Variants in ANKS1B observed in about 807,000 individuals in gnomAD.
ANKS1B encodes the protein ankyrin repeat and sterile alpha motif domain containing 1B.
In ANKS1B, 36 loss-of-function variants were observed where a neutral mutation model predicts 148.3. The observed-to-expected ratio is 0.24, with a 90% CI of 0.19 to 0.32. The LOEUF is 0.32. Among genes scored for constraint, ANKS1B ranks in the 10% least tolerant of loss-of-function variants. ANKS1B has a pLI of 1.00. For synonymous variants in ANKS1B, 542 were observed against 560.8 expected (o/e 0.97, Z 0.47); for missense variants, 1,157 against 1,542.6 (o/e 0.75, Z 4.19).
At position 98,785,205 on chromosome 12, in the gene ANKS1B, C is replaced by G. The variant is rs762003917; in HGVS notation, c.3343-3068G>C. On this transcript the variant is annotated intron_variant, in intron 22 of 26. Coordinates refer to ENST00000683438, the MANE Select transcript of ANKS1B (RefSeq NM_001352186.2). ...GGCAAAGAGGCTAGGCATGGTGGCTCATGCCTGTATTCCCAGCACTTTGGG... is the reference window on the plus strand; with the variant it reads ...GGCAAAGAGGCTAGGCATGGTGGCTGATGCCTGTATTCCCAGCACTTTGGG... 3.2e-4 allele frequency among the ~76,000 whole-genome samples: 49 copies of G among 152,312 alleles called. 1 individual carries two copies. The Middle Eastern group carries it at 0.02, about 63-fold the overall frequency.
At chr12:99,209,714 T>C (rs139335040) in intron 14 of ANKS1B, among the ~76,000 whole-genome samples, 90 of 152,318 alleles carry the variant, frequency 5.9e-4, no homozygotes, top group Middle Eastern at 3.4e-3. Flanking sequence ...CCATCTTGGA[T>C]AAGCACTGTC....
intron 1 of ANKS1B, among the ~76,000 whole-genome samples, chr12:99,951,032 A>C (rs557850586): frequency 6.6e-6 from 1 of 152,330 alleles, no homozygotes; most frequent in Admixed American, 6.5e-5. Context: ...TAAACTGAAA[A>C]GGATTTCCCC....
chr12:99,775,474 A>C (rs376392436), intron 7 of ANKS1B, 74 bp downstream of exon 7: 2 of 975,006 alleles, frequency 2.1e-6, no homozygotes. Context: ...GATATAACCT[A>C]TTAGACTTGA....
Position 99,409,162 on chromosome 12 carries a change from C to T in ANKS1B, c.1576-9351G>A, listed in dbSNP as rs189741613. Among the ~76,000 whole-genome samples the T allele has an allele frequency of 3.2e-3, 483 of 152,198 alleles. 5 individuals carry two copies. The highest frequency in any genetic ancestry group is 0.01 in the African/African-American group (432 of 41,534). Reference sequence around the variant, plus strand: ...TACATAAACACAATGGCATACTATTCGGCTATAAAAAAGAATGAGATCCTG... The same window carrying T: ...TACATAAACACAATGGCATACTATTTGGCTATAAAAAAGAATGAGATCCTG... On this transcript the variant is annotated intron_variant, in intron 11 of 26. Coordinates refer to ENST00000683438, the MANE Select transcript of ANKS1B (RefSeq NM_001352186.2).
At chr12:99,139,875 C>T (rs148435695) in intron 15 of ANKS1B, among the ~76,000 whole-genome samples, 1 of 152,182 alleles carries the variant, frequency 6.6e-6, no homozygotes, top group Non-Finnish European at 1.5e-5. Context: ...CTGAGAACTC[C>T]TTAACAAAGG....
chr12:99,727,136 C>A (rs144670875), intron 8 of ANKS1B, among the ~76,000 whole-genome samples: 1 of 152,126 alleles, frequency 6.6e-6, no homozygotes, highest in African/African-American at 2.4e-5. Context: ...GAAATTCTGG[C>A]CAGGGCAATC....
intron 9 of ANKS1B, among the ~76,000 whole-genome samples, chr12:99,625,175 T>C (rs1304597401): frequency 6.6e-6 from 1 of 151,968 alleles, no homozygotes; most frequent in Non-Finnish European, 1.5e-5. Flanking sequence ...CCTCTTCTCA[T>C]AAAGCGGGAG....
intron 14 of ANKS1B, among the ~76,000 whole-genome samples, chr12:99,170,050 T>C (rs890667628): frequency 7.9e-5 from 12 of 152,214 alleles, no homozygotes; most frequent in African/African-American, 2.7e-4. Flanking sequence ...ACATTCATTA[T>C]TCTTGGCTTC....
At position 99,961,134 on chromosome 12, in the gene ANKS1B, C is replaced by CA. The variant is rs1183239623; in HGVS notation, c.134+22969dup. On this transcript the variant is annotated intron_variant, in intron 1 of 26. Coordinates refer to ENST00000683438, the MANE Select transcript of ANKS1B (RefSeq NM_001352186.2). ...GTCTCAGCTACTCAGGAGGCTGAGG[C>CA]AGGAGAATTGTTTGAACCCAGGAGG... Among the ~76,000 whole-genome samples the CA allele has an allele frequency of 5.9e-5, 9 of 152,270 alleles. No homozygotes were observed. The East Asian group carries it at 1.5e-3, about 26-fold the overall frequency.
intron 1 of ANKS1B, among the ~76,000 whole-genome samples, chr12:99,833,684 T>C (rs1488419541): frequency 6.6e-6 from 1 of 152,040 alleles, no homozygotes; most frequent in Non-Finnish European, 1.5e-5. Context: ...GGAAAAGAAA[T>C]AGGAAAATAC....
chr12:99,043,031 T>C (rs1359388325), intron 17 of ANKS1B, among the ~76,000 whole-genome samples: 1 of 152,204 alleles, frequency 6.6e-6, no homozygotes, highest in African/African-American at 2.4e-5. Context: ...AATATTTCTC[T>C]CCATACCACT....
chr12:99,882,075 G>T (rs573125744), intron 1 of ANKS1B, among the ~76,000 whole-genome samples: 3 of 152,226 alleles, frequency 2.0e-5, no homozygotes, highest in Admixed American at 6.5e-5. Context: ...AATAGAAGAC[G>T]TGAAGAAGAA....
chr12:99,080,310 T>C (rs118119302), intron 16 of ANKS1B, among the ~76,000 whole-genome samples: 1 of 152,298 alleles, frequency 6.6e-6, no homozygotes, highest in Non-Finnish European at 1.5e-5. Flanking sequence ...ATGGAATTTC[T>C]GATCTTCTGC....
intron 8 of ANKS1B, among the ~76,000 whole-genome samples, chr12:99,715,140 TAATA>T (rs538447232): frequency 4.2e-5 from 4 of 96,140 alleles, no homozygotes; most frequent in Middle Eastern, 6.0e-3. Context: ...AAATAAAAAA[TAATA>T]AATAAATAAA....
chr12:99,710,893 C>T (rs1224789820), intron 8 of ANKS1B, among the ~76,000 whole-genome samples: 1 of 151,936 alleles, frequency 6.6e-6, no homozygotes, highest in East Asian at 1.9e-4. Flanking sequence ...AATCATTTTC[C>T]CTCAACTCTT....
At chr12:99,642,127 G>A (rs1289897691) in intron 9 of ANKS1B, among the ~76,000 whole-genome samples, 3 of 152,094 alleles carry the variant, frequency 2.0e-5, no homozygotes, top group Non-Finnish European at 4.4e-5. Flanking sequence ...TTAAAAAATT[G>A]AGGCTTTCCA....
intron 17 of ANKS1B, among the ~76,000 whole-genome samples, chr12:98,863,531 T>C (rs1595768717): frequency 6.6e-6 from 1 of 152,350 alleles, no homozygotes; most frequent in East Asian, 1.9e-4. Flanking sequence ...ATGGGGTGCA[T>C]GAAAATTATA....
At chr12:99,464,665 T>C (rs1445276491) in intron 10 of ANKS1B, among the ~76,000 whole-genome samples, 3 of 152,114 alleles carry the variant, frequency 2.0e-5, no homozygotes, top group East Asian at 1.9e-4. Flanking sequence ...CAGGAGCCGA[T>C]GCGATCAACT....
chr12:99,816,014 C>T (rs7485760), intron 2 of ANKS1B, among the ~76,000 whole-genome samples: 35,179 of 151,578 alleles, frequency 0.23, 4,846 homozygotes, highest in East Asian at 0.64. Flanking sequence ...GTGGGACTGA[C>T]GGATCTAATG....
Sources: allele counts gnomAD v4.1 joint callset (sites outside exome capture counted in the v4.1 genomes callset), GRCh38; gene constraint gnomAD v4.1.1; transcripts MANE v1.5; gene names NCBI Gene and HGNC (gene_info 2026-07-23, HGNC 2026-07-21).